Variants in ASMT observed in about 807,000 individuals in gnomAD.
The protein encoded by ASMT is acetylserotonin O-methyltransferase.
ASMT carries 53 observed loss-of-function variants against 41.3 expected under a neutral mutation model. The observed-to-expected ratio is 1.28, with a 90% CI of 1.03 to 1.61. The LOEUF (loss-of-function observed/expected upper bound fraction) is 1.61, where lower values mean the gene tolerates loss of function less well. Among genes scored for constraint, ASMT ranks in the 40% most tolerant of loss-of-function variants. ASMT has a pLI of 0.00. For synonymous variants in ASMT, 231 were observed against 184.8 expected (o/e 1.25, Z -2.03); for missense variants, 531 against 441.3 (o/e 1.20, Z -1.82).
chrX:1,642,384 G>C (rs781469977), intron 8 of ASMT, among the ~76,000 whole-genome samples: 2 of 150,914 alleles, frequency 1.3e-5, no homozygotes, highest in Admixed American at 6.7e-5. Flanking sequence ...TGTCCTGTGA[G>C]GTCCACCCAT....
At chrX:1,621,793 G>A (rs78429420) in intron 1 of ASMT, among the ~76,000 whole-genome samples, 3,857 of 148,868 alleles carry the variant, frequency 0.026, 68 homozygotes, top group Non-Finnish European at 0.039. Flanking sequence ...CCTCCCGGGT[G>A]CAAGTGATTC....
intron 1 of ASMT, among the ~76,000 whole-genome samples, chrX:1,619,793 T>A (rs1362044046): frequency 6.6e-6 from 1 of 151,154 alleles, no homozygotes; most frequent in African/African-American, 2.4e-5. Flanking sequence ...GAACGCTAAT[T>A]TAAAAAGGTT....
At position 1,623,221 on chromosome X, in the gene ASMT, C is replaced by T; in HGVS notation, c.152C>T (p.Ala51Val). The change falls in exon 2 of 9, where the codon GCA becomes GTA. Residue 51 changes from alanine (A) to valine (V), a missense_variant. Transcript: ENST00000381241. ...PGPLDVAAVAAGVRASAHGTE... is the reference protein window; with the variant it reads ...PGPLDVAAVAVGVRASAHGTE... ...CCCCTGGACGTGGCGGCAGTGGCTG[C>T]AGGTGTGAGGGCCAGCGCCCATGGG... is the stretch of plus-strand genomic sequence containing the variant. 1 of 1,613,600 alleles carries T rather than the reference C, an allele frequency of 6.2e-7. No homozygotes were observed. The highest frequency in any genetic ancestry group is 2.2e-5 in the East Asian group (1 of 44,864).
At position 1,636,431 on chromosome X, in the gene ASMT, G is replaced by A; in HGVS notation, c.788-7G>A. ...GCTGACCTCGGTGTGCCTGCCCTGT[G>A]TTCCAGGGGATTTCTTCAAAGACCC... On this transcript the variant is annotated splice_region_variant and splice_polypyrimidine_tract_variant and intron_variant, in intron 7 of 8. Transcript: ENST00000381241. 6.2e-7 allele frequency: 1 copy of A among 1,613,922 alleles called. No individual in the cohort carries two copies. The highest frequency in any genetic ancestry group is 8.5e-7 in the Non-Finnish European group (1 of 1,179,870).
chrX:1,634,181 A>G (rs1343220085), intron 7 of ASMT, among the ~76,000 whole-genome samples: 11 of 152,298 alleles, frequency 7.2e-5, no homozygotes. Context: ...CATCATACAC[A>G]TAGTTATATT....
intron 7 of ASMT, 24 bp from the exon 8 acceptor site, chrX:1,636,414 C>G (rs376982012): frequency 3.1e-6 from 5 of 1,613,766 alleles, no homozygotes; most frequent in Admixed American, 1.7e-5. Context: ...AGGCTGACCT[C>G]GGTGTGCCTG....
At chrX:1,627,860 G>C in intron 4 of ASMT, 89 bp downstream of exon 4, 3 of 1,243,816 alleles carry the variant, frequency 2.4e-6, no homozygotes, top group Non-Finnish European at 3.6e-6. Context: ...TTACTCAAAT[G>C]GCACAACCCA....
At chrX:1,624,240 T>C in intron 2 of ASMT, 29 bp from the exon 3 acceptor site, 2 of 1,613,698 alleles carry the variant, frequency 1.2e-6, no homozygotes, top group Non-Finnish European at 1.7e-6. Flanking sequence ...TCTCACTGCT[T>C]TTTCCCTGTT....
intron 1 of ASMT, among the ~76,000 whole-genome samples, chrX:1,616,937 T>C (rs1405329068): frequency 3.3e-5 from 5 of 151,836 alleles, no homozygotes; most frequent in African/African-American, 4.8e-5. Context: ...CTCGATCTCC[T>C]GACCTCATGA....
intron 3 of ASMT, among the ~76,000 whole-genome samples, chrX:1,625,940 G>A (rs1232326242): frequency 7.6e-6 from 1 of 132,324 alleles, no homozygotes; most frequent in Admixed American, 7.9e-5. Context: ...GGGCGACAGA[G>A]CGAGACTCCA....
In ASMT at chrX:1,628,755, C is replaced by G. The variant is rs1277414250; in HGVS notation, c.443+984C>G. On this transcript the variant is annotated intron_variant, in intron 4 of 8. Coordinates refer to ENST00000381241, the MANE Select transcript of ASMT (RefSeq NM_001171038.2). ...ATCTTCCCTCTCTTGTCTCCTCTCT[C>G]TTCTTCCCTCTCTCCTTTCCTCTCG... Among the ~76,000 whole-genome samples the G allele has an allele frequency of 1.4e-4, 21 of 150,998 alleles. 1 individual carries two copies. The Admixed American group carries it at 1.4e-3, about 10-fold the overall frequency.
chrX:1,627,623 C>CGAAATGAAACGAAAT, intron 3 of ASMT, 80 bp from the exon 4 acceptor site: 1 of 1,126,858 alleles, frequency 8.9e-7, no homozygotes, highest in Non-Finnish European at 1.3e-6. Flanking sequence ...TGAAATGAAA[C>CGAAATGAAACGAAAT]GAAATGAAAC....
At chrX:1,626,516 G>C (rs1934554494) in intron 3 of ASMT, among the ~76,000 whole-genome samples, 1 of 152,088 alleles carries the variant, frequency 6.6e-6, no homozygotes, top group African/African-American at 2.4e-5. Flanking sequence ...TTATAGGTGT[G>C]AGCCACCACG....
chrX:1,641,449 G>GATAA (rs1935157186), intron 8 of ASMT, among the ~76,000 whole-genome samples: 1 of 148,218 alleles, frequency 6.7e-6, no homozygotes, highest in Non-Finnish European at 1.5e-5. Context: ...GTGTGTGATG[G>GATAA]GGACAGTGTC....
intron 1 of ASMT, among the ~76,000 whole-genome samples, chrX:1,620,284 G>A (rs769809587): frequency 1.4e-5 from 2 of 141,788 alleles, no homozygotes; most frequent in East Asian, 4.5e-4. Context: ...CGATTCTCCT[G>A]CCTCAGCCTC....
chrX:1,615,751 G>C lies in ASMT; in HGVS notation c.69+483G>C, dbSNP rs58462129. On this transcript the variant is annotated intron_variant, in intron 1 of 8. Coordinates refer to ENST00000381241, the MANE Select transcript of ASMT (RefSeq NM_001171038.2). Reference sequence around the variant, plus strand: ...TGGGAGGCGGAGGTTGCAGTGAGCCGAGATCGCACCACTGCACTCCCGCCT... The same window carrying C: ...TGGGAGGCGGAGGTTGCAGTGAGCCCAGATCGCACCACTGCACTCCCGCCT... Among the ~76,000 whole-genome samples the C allele has an allele frequency of 8.4e-3, 1,276 of 151,588 alleles. 20 individuals carry two copies. The highest frequency in any genetic ancestry group is 0.03 in the African/African-American group (1,220 of 41,314).
At chrX:1,633,113 C>A in intron 6 of ASMT, 37 bp from the exon 7 acceptor site, 1 of 1,613,584 alleles carries the variant, frequency 6.2e-7, no homozygotes, top group Non-Finnish European at 8.5e-7. Context: ...CTCTCAGGTT[C>A]ATCTCTGAGG....
intron 7 of ASMT, 114 bp downstream of exon 7, chrX:1,633,404 C>A: frequency 7.9e-7 from 1 of 1,262,398 alleles, no homozygotes; most frequent in Non-Finnish European, 1.2e-6. Flanking sequence ...CTCCCGGAAA[C>A]ACCCTCAACT....
intron 4 of ASMT, among the ~76,000 whole-genome samples, chrX:1,628,948 T>TC (rs1569377182): frequency 5.5e-5 from 8 of 144,352 alleles, no homozygotes; most frequent in African/African-American, 1.8e-4. Flanking sequence ...CTCTCTTTCT[T>TC]TCTTTCCTTC....
Sources: gnomAD v4.1 joint callset for allele counts (sites outside exome capture counted in the v4.1 genomes callset) on GRCh38, gnomAD v4.1.1 for gene constraint, MANE v1.5 for transcripts, NCBI Gene and HGNC (gene_info 2026-07-23, HGNC 2026-07-21) for gene names.